Variants in BICC1 observed in about 807,000 individuals in gnomAD.
BICC1 encodes BicC family RNA binding protein 1, also known as protein bicaudal C homolog 1.
A neutral mutation model predicts 111.0 loss-of-function variants in BICC1; 43 were observed. That is an observed-to-expected ratio of 0.39 (90% CI 0.30 to 0.50). BICC1 has a LOEUF of 0.50. Among genes scored for constraint, BICC1 ranks in the 20% least tolerant of loss-of-function variants. BICC1 has a pLI of 0.88. For missense variants in BICC1, 1,091 were observed against 1,203.2 expected, an observed-to-expected ratio of 0.91 and a Z score of 1.38; for synonymous variants, 467 against 434.4, an observed-to-expected ratio of 1.07 and a Z score of -0.93.
intron 3 of BICC1, among the ~76,000 whole-genome samples, chr10:58,709,914 A>T (rs1047182807): frequency 3.3e-5 from 5 of 152,206 alleles, no homozygotes; most frequent in African/African-American, 1.2e-4. Flanking sequence ...TGCCATTCTC[A>T]GTAAGCTTTT....
chr10:58,807,732 C>T (rs1380710388), intron 17 of BICC1, among the ~76,000 whole-genome samples: 2 of 151,962 alleles, frequency 1.3e-5, no homozygotes, highest in African/African-American at 4.8e-5. Context: ...ATGGAGAGTT[C>T]CATACTCCAC....
At chr10:58,673,747 C>T (rs987071744) in intron 2 of BICC1, among the ~76,000 whole-genome samples, 12 of 151,164 alleles carry the variant, frequency 7.9e-5, no homozygotes, top group African/African-American at 1.7e-4. Context: ...TCAGCTTCCC[C>T]GAGTAGCTGG....
rs1346490945 is a variant in BICC1 at position 58,806,715 on chromosome 10, A to AGG, written c.2221+92_2221+93insGG. ...CTCATGGTGAATCGAGAACTTGAAAACTCAGAAAAAGAAACCTAGAATATT... is the reference window on the plus strand; with the variant it reads ...CTCATGGTGAATCGAGAACTTGAAAAGGCTCAGAAAAAGAAACCTAGAATATT... On this transcript the variant is annotated intron_variant, in intron 16 of 20. Transcript: ENST00000373886. The AGG allele has an allele frequency of 1.0e-5, 12 of 1,159,710 alleles. No individual in the cohort carries two copies. In the African/African-American group the frequency reaches 1.9e-4, roughly 18 times the overall value. 71.8% of individuals were successfully genotyped at this position (1,159,710 alleles called of 1,614,324 possible). A position where few individuals can be genotyped will look rare whatever the true frequency, so the allele number is the denominator to read the frequency against.
At chr10:58,691,397 A>T (rs926118876) in intron 2 of BICC1, among the ~76,000 whole-genome samples, 1 of 152,200 alleles carries the variant, frequency 6.6e-6, no homozygotes, top group Admixed American at 6.5e-5. Context: ...TTGGAGAATG[A>T]AGTAGCTTTT....
At chr10:58,736,301 C>A (rs1189700485) in intron 3 of BICC1, among the ~76,000 whole-genome samples, 2 of 152,150 alleles carry the variant, frequency 1.3e-5, no homozygotes, top group African/African-American at 4.8e-5. Context: ...TAATAAGGGA[C>A]ACCCAACAAA....
At chr10:58,788,857 A>T (rs1167141398) in intron 6 of BICC1, among the ~76,000 whole-genome samples, 1 of 152,182 alleles carries the variant, frequency 6.6e-6, no homozygotes, top group Non-Finnish European at 1.5e-5. Context: ...AGGCCAAGGC[A>T]GGAGGATCAC....
intron 1 of BICC1, among the ~76,000 whole-genome samples, chr10:58,518,636 C>A: frequency 6.8e-6 from 1 of 147,294 alleles, no homozygotes; most frequent in Non-Finnish European, 1.5e-5. Context: ...AAGTCTTCCT[C>A]AAAAAATTAG....
At chr10:58,622,091 A>C (rs1345275151) in intron 2 of BICC1, among the ~76,000 whole-genome samples, 1 of 151,784 alleles carries the variant, frequency 6.6e-6, no homozygotes, top group African/African-American at 2.4e-5. Flanking sequence ...CTGAGGTGAG[A>C]GGATCACCTG....
At chr10:58,574,942 A>T (rs1257402767) in intron 1 of BICC1, among the ~76,000 whole-genome samples, 1 of 152,008 alleles carries the variant, frequency 6.6e-6, no homozygotes, top group Non-Finnish European at 1.5e-5. Context: ...AACTCTGTGT[A>T]CATTTGTGTG....
intron 1 of BICC1, among the ~76,000 whole-genome samples, chr10:58,517,027 CAT>C (rs1842260113): frequency 1.3e-5 from 2 of 151,984 alleles, no homozygotes; most frequent in Admixed American, 1.3e-4. Flanking sequence ...TTTGTAAAAA[CAT>C]ATATGTGTAC....
intron 2 of BICC1, among the ~76,000 whole-genome samples, chr10:58,661,090 G>A (rs1460606336): frequency 6.6e-6 from 1 of 152,044 alleles, no homozygotes; most frequent in African/African-American, 2.4e-5. Context: ...TTAGGGCAGT[G>A]GTTTTCCAAA....
At chr10:58,684,109 C>A (rs1290177149) in intron 2 of BICC1, among the ~76,000 whole-genome samples, 1 of 152,132 alleles carries the variant, frequency 6.6e-6, no homozygotes, top group Non-Finnish European at 1.5e-5. Context: ...CGTCGAAGGC[C>A]TTTTCTGCAT....
At chr10:58,750,956 CT>C (rs1841975024) in intron 3 of BICC1, among the ~76,000 whole-genome samples, 1 of 152,094 alleles carries the variant, frequency 6.6e-6, no homozygotes, top group African/African-American at 2.4e-5. Context: ...GCATCCCAAG[CT>C]TTGTTTTTCT....
At chr10:58,677,103 G>A (rs1038189790) in intron 2 of BICC1, among the ~76,000 whole-genome samples, 6 of 152,138 alleles carry the variant, frequency 3.9e-5, no homozygotes, top group African/African-American at 7.2e-5. Context: ...AAAAAGCAGC[G>A]CAAAAAGGCT....
At chr10:58,514,009 A>G (rs1417655454) in intron 1 of BICC1, among the ~76,000 whole-genome samples, 1 of 152,142 alleles carries the variant, frequency 6.6e-6, no homozygotes, top group Non-Finnish European at 1.5e-5. Flanking sequence ...AAATCTTCCT[A>G]TGCTATGGGT....
intron 2 of BICC1, among the ~76,000 whole-genome samples, chr10:58,676,704 C>T (rs1169194406): frequency 1.3e-5 from 2 of 152,194 alleles, no homozygotes; most frequent in Admixed American, 6.5e-5. Context: ...TGCTAAGGGG[C>T]AGACTGCCTC....
At chr10:58,535,595 A>G (rs1842804620) in intron 1 of BICC1, among the ~76,000 whole-genome samples, 1 of 151,806 alleles carries the variant, frequency 6.6e-6, no homozygotes, top group Non-Finnish European at 1.5e-5. Flanking sequence ...AAATCTTGAA[A>G]GAAAAGATTG....
At chr10:58,717,058 G>A (rs1293807099) in intron 3 of BICC1, among the ~76,000 whole-genome samples, 1 of 152,174 alleles carries the variant, frequency 6.6e-6, no homozygotes, top group East Asian at 1.9e-4. Context: ...ATTAGAATGT[G>A]TTAGGTCATT....
At chr10:58,820,580 G>C (rs1479748801) in intron 20 of BICC1, 112 bp downstream of exon 20, 2 of 715,106 alleles carry the variant, frequency 2.8e-6, no homozygotes, top group Non-Finnish European at 4.8e-6. Flanking sequence ...CTAACACCTT[G>C]GTTGTGGTTT....
Sources: allele counts gnomAD v4.1 joint callset (sites outside exome capture counted in the v4.1 genomes callset), GRCh38; gene constraint gnomAD v4.1.1; transcripts MANE v1.5; gene names NCBI Gene and HGNC (gene_info 2026-07-23, HGNC 2026-07-21).